Variants in ADGRA3 observed in about 807,000 individuals in gnomAD.
ADGRA3 encodes the protein adhesion G protein-coupled receptor A3, also known as G-protein coupled receptor 125.
Under a neutral mutation model 119.8 loss-of-function variants are expected in ADGRA3, and 56 were observed. The ratio of observed to expected loss-of-function variants is 0.47; its 90% CI spans 0.38 to 0.58. ADGRA3 has a LOEUF of 0.58. Among genes scored for constraint, ADGRA3 ranks in the 20% least tolerant of loss-of-function variants. The pLI, the probability that ADGRA3 is intolerant of heterozygous loss-of-function variation, is 0.00. For synonymous variants in ADGRA3, 607 were observed against 623.8 expected (o/e 0.97, Z 0.40); for missense variants, 1,516 against 1,649.0 (o/e 0.92, Z 1.40).
intron 12 of ADGRA3, among the ~76,000 whole-genome samples, chr4:22,417,722 G>A (rs941816214): frequency 2.0e-5 from 3 of 152,056 alleles, no homozygotes; most frequent in Admixed American, 6.6e-5. Flanking sequence ...AAAGCACAAC[G>A]GGATTAACAG....
chr4:22,479,557 A>G (rs1718180762), intron 1 of ADGRA3, among the ~76,000 whole-genome samples: 1 of 152,196 alleles, frequency 6.6e-6, no homozygotes, highest in African/African-American at 2.4e-5. Context: ...GGGAGTGTAA[A>G]TTACTTCAAC....
chr4:22,497,759 C>CA (rs67569148), intron 1 of ADGRA3, among the ~76,000 whole-genome samples: 4,086 of 71,160 alleles, frequency 0.057, 112 homozygotes, highest in Non-Finnish European at 0.072. Flanking sequence ...ATTGCTGTCT[C>CA]AAAAAAAAAA....
At position 22,438,424 on chromosome 4, in the gene ADGRA3, C is replaced by T; in HGVS notation, c.921-4G>A. On this transcript the variant is annotated splice_region_variant and splice_polypyrimidine_tract_variant and intron_variant, in intron 7 of 18. Coordinates refer to ENST00000334304, the MANE Select transcript of ADGRA3 (RefSeq NM_145290.4). The stretch of plus-strand genomic sequence containing the variant: ...AATATTAGAAATGGTTAGGGCACTG[C>T]ATAAAGAAAGATTTTAAAAAGAGAG... The T allele has an allele frequency of 6.2e-7, 1 of 1,607,848 alleles. No homozygotes were observed. Among genetic ancestry groups the T allele is most frequent in the Non-Finnish European group, 8.5e-7 (1 of 1,177,318 alleles).
chr4:22,462,773 A>G (rs541186596), intron 2 of ADGRA3, among the ~76,000 whole-genome samples: 67 of 152,342 alleles, frequency 4.4e-4, no homozygotes, highest in African/African-American at 1.5e-3. Flanking sequence ...CGTCCATGCA[A>G]GAGCACTACC....
intron 1 of ADGRA3, among the ~76,000 whole-genome samples, chr4:22,501,924 A>ATT (rs11399317): frequency 3.9e-4 from 58 of 150,580 alleles, no homozygotes; most frequent in Admixed American, 7.3e-4. Flanking sequence ...CGAATGTGTA[A>ATT]TTTTTTTTTT....
chr4:22,472,789 T>C (rs555737860), intron 2 of ADGRA3, among the ~76,000 whole-genome samples: 17 of 152,124 alleles, frequency 1.1e-4, no homozygotes, highest in African/African-American at 3.9e-4. Context: ...GCAAAGAGAA[T>C]TGAGAAAAAT....
Position 22,515,828 on chromosome 4 carries a change from T to C in ADGRA3, c.-44A>G. On this transcript the variant is annotated 5_prime_UTR_variant, in exon 1 of 19. It removes the in-frame stop codon of an upstream open reading frame in the 5' UTR. Transcript: ENST00000334304. ...CGGGGCGAGCGGCGGCGCACTGGCCTAGCGGGCCGCCCCGGAGCCCGGGCG... is the reference window on the plus strand; with the variant it reads ...CGGGGCGAGCGGCGGCGCACTGGCCCAGCGGGCCGCCCCGGAGCCCGGGCG... 2.2e-5 allele frequency: 22 copies of C among 982,114 alleles called. No homozygotes were observed. The highest frequency in any genetic ancestry group is 2.7e-5 in the Non-Finnish European group (22 of 828,952). 60.8% of individuals were successfully genotyped at this position (982,114 alleles called of 1,614,324 possible).
intron 8 of ADGRA3, 82 bp downstream of exon 8, chr4:22,438,174 A>G (rs754438631): frequency 2.4e-5 from 28 of 1,177,716 alleles, no homozygotes; most frequent in African/African-American, 1.0e-4. Flanking sequence ...GTTACTCAGG[A>G]CAGGAAACCA....
chr4:22,418,599 A>G (rs1715523680), intron 12 of ADGRA3, among the ~76,000 whole-genome samples: 1 of 152,100 alleles, frequency 6.6e-6, no homozygotes, highest in East Asian at 1.9e-4. Context: ...TACTGTGGAG[A>G]GAGAGGGAAG....
At chr4:22,414,864 C>G (rs1266581433) in intron 12 of ADGRA3, among the ~76,000 whole-genome samples, 1 of 152,180 alleles carries the variant, frequency 6.6e-6, no homozygotes, top group African/African-American at 2.4e-5. Flanking sequence ...CTCCACTATT[C>G]TTTCATCTCA....
chr4:22,468,167 A>C (rs1182765172), intron 2 of ADGRA3, among the ~76,000 whole-genome samples: 2 of 152,162 alleles, frequency 1.3e-5, no homozygotes, highest in African/African-American at 4.8e-5. Context: ...CCAACCACAA[A>C]GTCATAAAAA....
chr4:22,429,975 T>C (rs1424984457), intron 10 of ADGRA3, among the ~76,000 whole-genome samples: 1 of 152,120 alleles, frequency 6.6e-6, no homozygotes, highest in Non-Finnish European at 1.5e-5. Flanking sequence ...GGGGCAGGTC[T>C]TTGTCATGCT....
chr4:22,391,958 G>A (rs1714151533), intron 17 of ADGRA3, among the ~76,000 whole-genome samples: 1 of 152,080 alleles, frequency 6.6e-6, no homozygotes, highest in Non-Finnish European at 1.5e-5. Flanking sequence ...CGCAGTCAGT[G>A]CTCATGCCTT....
chr4:22,414,435 T>C (rs1273710194), intron 12 of ADGRA3: 2 of 471,560 alleles, frequency 4.2e-6, no homozygotes, highest in Non-Finnish European at 7.4e-6. Flanking sequence ...GATTTCTTTA[T>C]TGAGGATTTT....
At chr4:22,397,777 G>A (rs1000606644) in intron 16 of ADGRA3, among the ~76,000 whole-genome samples, 8 of 152,172 alleles carry the variant, frequency 5.3e-5, no homozygotes, top group African/African-American at 1.9e-4. Flanking sequence ...TGCCACGAAA[G>A]ACATGACTTT....
chr4:22,498,946 GA>G lies in ADGRA3; in HGVS notation c.257+16581del, dbSNP rs1229535861. ...AACAAAAAAAACAAAAAAACACAGA[GA>G]ATCAGTTAACAAAAAGACAGCTCAA... is the stretch of plus-strand genomic sequence containing the variant. On this transcript the variant is annotated intron_variant, in intron 1 of 18. Transcript: ENST00000334304. Among the ~76,000 whole-genome samples, 21 of 151,644 alleles carry G rather than the reference GA, an allele frequency of 1.4e-4. 1 individual carries two copies. Among genetic ancestry groups the G allele is most frequent in the Admixed American group, 1.4e-3 (21 of 15,198 alleles).
At chr4:22,513,257 C>T (rs1719514998) in intron 1 of ADGRA3, among the ~76,000 whole-genome samples, 1 of 151,570 alleles carries the variant, frequency 6.6e-6, no homozygotes, top group African/African-American at 2.4e-5. Context: ...AGCAATTCTC[C>T]TGCCTCAGCC....
chr4:22,476,307 G>A (rs1332330600), intron 1 of ADGRA3, among the ~76,000 whole-genome samples: 2 of 152,066 alleles, frequency 1.3e-5, no homozygotes, highest in East Asian at 1.9e-4. Context: ...ATCCTGAGCC[G>A]GCACTCACCA....
intron 1 of ADGRA3, among the ~76,000 whole-genome samples, chr4:22,490,307 AAAGAC>A (rs1331059852): frequency 6.6e-6 from 1 of 152,230 alleles, no homozygotes; most frequent in Non-Finnish European, 1.5e-5. Context: ...CTGCAAGAGA[AAAGAC>A]AACCCATTTT....
Sources: allele counts gnomAD v4.1 joint callset (sites outside exome capture counted in the v4.1 genomes callset), GRCh38; gene constraint gnomAD v4.1.1; transcripts MANE v1.5; gene names NCBI Gene and HGNC (gene_info 2026-07-23, HGNC 2026-07-21).